Variants in HDAC2 observed in about 807,000 individuals in gnomAD.
HDAC2 encodes histone deacetylase 2, also known as YY1-associated factor 1.
A neutral mutation model predicts 68.5 loss-of-function variants in HDAC2; 5 were observed. The ratio of observed to expected loss-of-function variants is 0.07; its 90% confidence interval spans 0.04 to 0.15. The LOEUF is 0.15. HDAC2 is among the 10% of genes least tolerant of loss of function. The pLI, the probability that HDAC2 is intolerant of heterozygous loss-of-function variation, is 1.00. For missense variants in HDAC2, 291 were observed against 600.8 expected, an observed-to-expected ratio of 0.48 and a Z score of 5.39; for synonymous variants, 182 against 191.3, an observed-to-expected ratio of 0.95 and a Z score of 0.40.
intron 1 of HDAC2, among the ~76,000 whole-genome samples, chr6:113,961,995 C>CTA (rs1363840316): frequency 4.0e-5 from 6 of 151,686 alleles, no homozygotes; most frequent in Non-Finnish European, 8.8e-5. Context: ...ATCAAATACT[C>CTA]TAGTTATTTG....
intron 1 of HDAC2, among the ~76,000 whole-genome samples, 177 bp from the exon 2 acceptor site, chr6:113,960,195 C>T (rs903747913): frequency 2.6e-5 from 4 of 152,006 alleles, no homozygotes; most frequent in Admixed American, 6.5e-5. Flanking sequence ...TAAGACGCTA[C>T]GCACACTTTT....
Position 113,936,246 on chromosome 6 carries a change from T to A in HDAC2, c.*4812A>T, listed in dbSNP as rs940236467. On this transcript the variant is annotated 3_prime_UTR_variant, in exon 14 of 14. Coordinates refer to ENST00000519065, the MANE Select transcript of HDAC2 (RefSeq NM_001527.4). ...CTCTGCTTGTTACATGGCCACCAAG[T>A]GACTATAAGAGAAAACACACAGAAA... is the stretch of plus-strand genomic sequence containing the variant. 1.3e-5 allele frequency: 2 copies of A among 152,096 alleles called. No individual in the cohort carries two copies. The highest frequency in any genetic ancestry group is 4.8e-5 in the African/African-American group (2 of 41,424). 9.4% of individuals were successfully genotyped at this position (152,096 alleles called of 1,614,324 possible).
chr6:113,946,982 T>A (rs1480794858), intron 8 of HDAC2: 1 of 152,106 alleles, frequency 6.6e-6, no homozygotes, highest in Non-Finnish European at 1.5e-5. Context: ...CATTTCAGAG[T>A]TAATTTTACA....
At chr6:113,942,688 T>C (rs1776163957) in intron 12 of HDAC2, among the ~76,000 whole-genome samples, 1 of 152,114 alleles carries the variant, frequency 6.6e-6, no homozygotes, top group Non-Finnish European at 1.5e-5. Flanking sequence ...TGAGGTGCTA[T>C]AATATGATGT....
intron 6 of HDAC2, among the ~76,000 whole-genome samples, chr6:113,949,552 AATTAC>A (rs1195840019): frequency 1.2e-4 from 18 of 152,250 alleles, no homozygotes; most frequent in African/African-American, 3.4e-4. Context: ...AAGGCAATGA[AATTAC>A]ATTACATTAA....
intron 6 of HDAC2, among the ~76,000 whole-genome samples, chr6:113,951,688 C>T (rs1316325789): frequency 7.9e-5 from 12 of 152,090 alleles, no homozygotes; most frequent in East Asian, 7.8e-4. Flanking sequence ...AGGATGGTCT[C>T]GATCTCCTGA....
chr6:113,971,147 G>C lies in HDAC2; in HGVS notation c.-239C>G, dbSNP rs1334772929. On this transcript the variant is annotated 5_prime_UTR_variant, in exon 1 of 14. Transcript: ENST00000519065. ...GCAGCGGCACCAACTCGCGAGGAGG[G>C]GGCCACCAAACCACCTCAGGAGGCC... 1 of 1,538,202 alleles carries C rather than the reference G, an allele frequency of 6.5e-7. No individual in the cohort carries two copies. Among genetic ancestry groups the C allele is most frequent in the Non-Finnish European group, 8.8e-7 (1 of 1,140,810 alleles).
At chr6:113,951,280 G>A (rs1363976287) in intron 6 of HDAC2, among the ~76,000 whole-genome samples, 1 of 152,118 alleles carries the variant, frequency 6.6e-6, no homozygotes, top group Non-Finnish European at 1.5e-5. Flanking sequence ...TTTTCAGCAT[G>A]AGAATGAATT....
At chr6:113,956,867 G>A (rs1776565466) in intron 3 of HDAC2, 174 bp from the exon 4 acceptor site, 1 of 542,176 alleles carries the variant, frequency 1.8e-6, no homozygotes, top group Admixed American at 3.2e-5. Flanking sequence ...TTTATCCAAG[G>A]TAATTAAAGT....
chr6:113,960,990 G>A lies in HDAC2; in HGVS notation c.53-972C>T, dbSNP rs544284435. ...TATTAGGTATTATGAGTAATCTAGA[G>A]ATGACTTAAAGTGTAAGGGGAGATA... On this transcript the variant is annotated intron_variant, in intron 1 of 13. Coordinates refer to ENST00000519065, the MANE Select transcript of HDAC2 (RefSeq NM_001527.4). Among the ~76,000 whole-genome samples, 3 of 152,198 alleles carry A rather than the reference G, an allele frequency of 2.0e-5. No homozygotes were observed. In the South Asian group the frequency reaches 6.2e-4, roughly 32 times the overall value.
chr6:113,953,120 C>G (rs1380995503), intron 6 of HDAC2, among the ~76,000 whole-genome samples, 157 bp downstream of exon 6: 2 of 152,196 alleles, frequency 1.3e-5, no homozygotes, highest in African/African-American at 4.8e-5. Flanking sequence ...TAGTCAGCAA[C>G]AGTGAATTCT....
intron 2 of HDAC2, among the ~76,000 whole-genome samples, chr6:113,959,143 A>T (rs575147730): frequency 4.3e-4 from 65 of 152,160 alleles, no homozygotes; most frequent in African/African-American, 1.6e-3. Flanking sequence ...TTTCAATTCT[A>T]AATCTTTGTT....
chr6:113,957,441 T>A (rs1444027404), intron 3 of HDAC2, among the ~76,000 whole-genome samples: 1 of 152,102 alleles, frequency 6.6e-6, no homozygotes, highest in Admixed American at 6.5e-5. Flanking sequence ...ACAAGCACTA[T>A]AAGAAATGAA....
At chr6:113,964,600 G>C (rs939847100) in intron 1 of HDAC2, among the ~76,000 whole-genome samples, 1 of 152,048 alleles carries the variant, frequency 6.6e-6, no homozygotes, top group South Asian at 2.1e-4. Context: ...CTCTTCTCTC[G>C]GGAGTTAAGT....
Position 113,936,129 on chromosome 6 carries a change from T to C in HDAC2, c.*4929A>G, listed in dbSNP as rs1258486222. The C allele has an allele frequency of 6.6e-6, 1 of 152,230 alleles. No homozygotes were observed. Among genetic ancestry groups the C allele is most frequent in the African/African-American group, 2.4e-5 (1 of 41,458 alleles). 9.4% of individuals were successfully genotyped at this position (152,230 alleles called of 1,614,324 possible). A position where few individuals can be genotyped will look rare whatever the true frequency, so the allele number is the denominator to read the frequency against. ...TTAGAAATTAGTGTTATAATTCTTA[T>C]AGGAAAACCTAAATCAGTAAACTTA... On this transcript the variant is annotated 3_prime_UTR_variant, in exon 14 of 14. Transcript: ENST00000519065.
intron 8 of HDAC2, chr6:113,947,314 C>T (rs1776286723): frequency 6.6e-6 from 1 of 151,748 alleles, no homozygotes; most frequent in Non-Finnish European, 1.5e-5. Context: ...GAATGGGAGA[C>T]AATACAAGAG....
chr6:113,933,375 C>T lies in HDAC2; in HGVS notation c.*7683G>A, dbSNP rs1245455747. ...AAGGCCAGAGGGTTAAGTGACTTTC[C>T]AAATTTCACAGGACTTGTTGATGGC... On this transcript the variant is annotated 3_prime_UTR_variant, in exon 14 of 14. Transcript: ENST00000519065. 1 of 152,130 alleles carries T rather than the reference C, an allele frequency of 6.6e-6. No individual in the cohort carries two copies. Among genetic ancestry groups the T allele is most frequent in the Non-Finnish European group, 1.5e-5 (1 of 68,018 alleles). The allele number at this position is 152,130 out of a possible 1,614,324, so 9.4% of individuals were successfully genotyped here.
At chr6:113,956,954 T>C (rs1229645126) in intron 3 of HDAC2, 2 of 337,664 alleles carry the variant, frequency 5.9e-6, no homozygotes, top group South Asian at 6.1e-5. Context: ...AACTCAATAG[T>C]TGTCTAAGTA....
At chr6:113,946,659 T>C (rs1776270080) in intron 8 of HDAC2, 1 of 152,152 alleles carries the variant, frequency 6.6e-6, no homozygotes, top group African/African-American at 2.4e-5. Flanking sequence ...AAAACATCTA[T>C]TAATTTTCAA....
Sources: gnomAD v4.1 joint callset for allele counts (sites outside exome capture counted in the v4.1 genomes callset) on GRCh38, gnomAD v4.1.1 for gene constraint, MANE v1.5 for transcripts, NCBI Gene and HGNC (gene_info 2026-07-23, HGNC 2026-07-21) for gene names.